NF1: variants seen among roughly 807,000 people sequenced by gnomAD.
The protein encoded by NF1 is neurofibromin 1.
In NF1, 122 loss-of-function variants were observed where a neutral mutation model predicts 325.7. The observed-to-expected ratio is 0.37, with a 90% CI of 0.32 to 0.44. NF1 has a LOEUF of 0.44. Among genes scored for constraint, NF1 ranks in the 20% least tolerant of loss-of-function variants. The pLI, the probability that NF1 is intolerant of heterozygous loss-of-function variation, is 1.00. For missense variants in NF1, 2,140 were observed against 3,415.4 expected, an observed-to-expected ratio of 0.63 and a Z score of 9.31; for synonymous variants, 1,091 against 1,186.0, an observed-to-expected ratio of 0.92 and a Z score of 1.65.
chr17:31,182,083 T>C (rs548795209), intron 7 of NF1, among the ~76,000 whole-genome samples: 2 of 152,320 alleles, frequency 1.3e-5, no homozygotes, highest in Admixed American at 6.5e-5. Context: ...TGAAGCTTTA[T>C]TTTGTATTTA....
intron 36 of NF1, chr17:31,307,983 T>C (rs758066732): frequency 4.2e-5 from 50 of 1,202,030 alleles, no homozygotes; most frequent in Non-Finnish European, 4.9e-5. Context: ...AGAAAAGATA[T>C]GTGATTTTTT....
At chr17:31,287,308 C>G (rs761654270) in intron 36 of NF1, among the ~76,000 whole-genome samples, 2 of 152,126 alleles carry the variant, frequency 1.3e-5, no homozygotes, top group Non-Finnish European at 2.9e-5. Context: ...TAATCTATTC[C>G]TTAAAACACC....
intron 37 of NF1, among the ~76,000 whole-genome samples, chr17:31,326,682 A>G (rs1191299866): frequency 2.0e-5 from 3 of 152,146 alleles, no homozygotes; most frequent in Non-Finnish European, 2.9e-5. Context: ...AGATGTAGGA[A>G]GACCAACATT....
rs201857718 is a variant in NF1 at position 31,097,209 on chromosome 17, G to C, written c.60+1840G>C. ...GCGGTGGCTCACGCCTGTAATCCCA[G>C]CACTTTGGGATGCCAAGGCAGGTGG... On this transcript the variant is annotated intron_variant, in intron 1 of 57. Transcript: ENST00000358273. Among the ~76,000 whole-genome samples, 78 of 152,266 alleles carry C rather than the reference G, an allele frequency of 5.1e-4. 2 individuals carry two copies. The East Asian group carries it at 0.014, about 27-fold the overall frequency.
intron 36 of NF1, chr17:31,304,356 G>A (rs761631949): frequency 6.2e-7 from 1 of 1,614,138 alleles, no homozygotes; most frequent in Non-Finnish European, 8.5e-7. Context: ...GGATCTCAAG[G>A]TTGGAATCTT....
chr17:31,274,486 C>A (rs1483763632), intron 36 of NF1, among the ~76,000 whole-genome samples: 1 of 152,064 alleles, frequency 6.6e-6, no homozygotes, highest in Non-Finnish European at 1.5e-5. Flanking sequence ...CATTTTTCCC[C>A]TGAATGAATA....
chr17:31,340,780 G>T (rs1161335508), intron 47 of NF1, 135 bp downstream of exon 47: 18 of 781,294 alleles, frequency 2.3e-5, no homozygotes, highest in East Asian at 3.8e-5. Context: ...CTTATTGTGA[G>T]TATATTTCCT....
At chr17:31,097,733 G>C (rs565775184) in intron 1 of NF1, among the ~76,000 whole-genome samples, 1 of 151,896 alleles carries the variant, frequency 6.6e-6, no homozygotes, top group East Asian at 1.9e-4. Flanking sequence ...GTCTTGCTCT[G>C]TCGCCCACGC....
At chr17:31,250,035 T>G (rs1714072625) in intron 30 of NF1, 2 of 499,938 alleles carry the variant, frequency 4.0e-6, no homozygotes, top group Non-Finnish European at 7.9e-6. Flanking sequence ...ATCACCATTT[T>G]AAAAGCTGTT....
intron 5 of NF1, among the ~76,000 whole-genome samples, chr17:31,170,870 T>C (rs2065918245): frequency 6.6e-6 from 1 of 152,196 alleles, no homozygotes; most frequent in African/African-American, 2.4e-5. Context: ...TTGGCATTAT[T>C]AGACCCTGGC....
At chr17:31,329,786 A>G (rs561557020) in intron 38 of NF1, among the ~76,000 whole-genome samples, 2 of 152,324 alleles carry the variant, frequency 1.3e-5, no homozygotes, top group East Asian at 3.9e-4. Flanking sequence ...GGACACCCAG[A>G]AAGAAGTTCA....
At chr17:31,159,556 C>T (rs1367187182) in intron 3 of NF1, among the ~76,000 whole-genome samples, 1 of 152,124 alleles carries the variant, frequency 6.6e-6, no homozygotes, top group African/African-American at 2.4e-5. Flanking sequence ...CTTGAGAACA[C>T]TTGTTTTATG....
At chr17:31,204,202 C>G (rs1437064031) in intron 11 of NF1, among the ~76,000 whole-genome samples, 3 of 152,046 alleles carry the variant, frequency 2.0e-5, no homozygotes, top group Non-Finnish European at 2.9e-5. Context: ...CATGCTATAG[C>G]TGGTATATTA....
At chr17:31,191,545 T>A (rs1184985840) in intron 8 of NF1, among the ~76,000 whole-genome samples, 3 of 152,152 alleles carry the variant, frequency 2.0e-5, no homozygotes, top group African/African-American at 7.2e-5. Flanking sequence ...ACTATATGAT[T>A]TCTTAAAACT....
At chr17:31,126,808 C>T (rs1442106764) in intron 1 of NF1, among the ~76,000 whole-genome samples, 1 of 152,084 alleles carries the variant, frequency 6.6e-6, no homozygotes, top group Non-Finnish European at 1.5e-5. Flanking sequence ...AAAAAAACTT[C>T]GGTGATTGAA....
chr17:31,120,783 A>G (rs1470668915), intron 1 of NF1, among the ~76,000 whole-genome samples: 2 of 147,058 alleles, frequency 1.4e-5, no homozygotes, highest in African/African-American at 2.7e-5. Context: ...AACTTAAAGT[A>G]TTTAAAAAAA....
At chr17:31,171,234 G>C (rs1194595886) in intron 5 of NF1, among the ~76,000 whole-genome samples, 2 of 152,032 alleles carry the variant, frequency 1.3e-5, no homozygotes, top group East Asian at 3.8e-4. Flanking sequence ...GAAAATATAG[G>C]GGTGATTTTA....
rs1008200064 is a variant in NF1 at position 31,377,227 on chromosome 17, CAAAA to C, written c.*3076_*3079del. On this transcript the variant is annotated 3_prime_UTR_variant, in exon 58 of 58. Coordinates refer to ENST00000358273, the MANE Select transcript of NF1 (RefSeq NM_001042492.3). ...TGTAAATAGTTTGTGTAAAATTTGA[CAAAA>C]AAAGTATATTTACTATACTGTAAAT... 2.6e-5 allele frequency: 6 copies of C among 232,776 alleles called. No homozygotes were observed. In the East Asian group the frequency reaches 3.6e-4, roughly 14 times the overall value. 14.4% of individuals were successfully genotyped at this position (232,776 alleles called of 1,614,324 possible). A position where few individuals can be genotyped will look rare whatever the true frequency, so the allele number is the denominator to read the frequency against.
intron 34 of NF1, among the ~76,000 whole-genome samples, chr17:31,260,857 G>A (rs952688429): frequency 3.9e-5 from 6 of 152,080 alleles, no homozygotes; most frequent in Non-Finnish European, 5.9e-5. Context: ...CAGCCAATTC[G>A]TAGGAATTCA....
Sources: gnomAD v4.1 joint callset for allele counts (sites outside exome capture counted in the v4.1 genomes callset) on GRCh38, gnomAD v4.1.1 for gene constraint, MANE v1.5 for transcripts, NCBI Gene and HGNC (gene_info 2026-07-23, HGNC 2026-07-21) for gene names.